LARP1B: variants seen among roughly 807,000 people sequenced by gnomAD.
LARP1B encodes the protein La ribonucleoprotein 1B, also known as la-related protein 1B.
Under a neutral mutation model 114.2 loss-of-function variants are expected in LARP1B, and 76 were observed. The observed-to-expected ratio is 0.67, with a 90% CI of 0.55 to 0.81. The LOEUF (loss-of-function observed/expected upper bound fraction) is 0.81, where lower values mean the gene tolerates loss of function less well. LARP1B is among the 30% of genes least tolerant of loss of function. LARP1B has a pLI of 0.00. For synonymous variants in LARP1B, 345 were observed against 348.0 expected, an observed-to-expected ratio of 0.99 and a Z score of 0.10; for missense variants, 1,014 against 1,075.8, an observed-to-expected ratio of 0.94 and a Z score of 0.80.
At chr4:128,122,438 G>GTTTTTTTTTTTTTTTTTTTT in intron 11 of LARP1B, 6 of 1,188,978 alleles carry the variant, frequency 5.0e-6, no homozygotes, top group East Asian at 3.2e-5. Context: ...TTATACCCTT[G>GTTTTTTTTTTTTTTTTTTTT]TTTTTTTTTT....
intron 17 of LARP1B, among the ~76,000 whole-genome samples, 162 bp from the exon 18 acceptor site, chr4:128,206,266 T>C (rs1757573825): frequency 6.6e-6 from 1 of 152,220 alleles, no homozygotes; most frequent in African/African-American, 2.4e-5. Context: ...CACTCCAGCC[T>C]GAGCAACAAG....
In LARP1B at chr4:128,096,039, G is replaced by A. The variant is rs55686878; in HGVS notation, c.669-2147G>A. Among the ~76,000 whole-genome samples, 1,441 of 147,730 alleles carry A rather than the reference G, an allele frequency of 9.8e-3. 20 individuals are homozygous for A. The highest frequency in any genetic ancestry group is 0.033 in the African/African-American group (1,315 of 39,984). On this transcript the variant is annotated intron_variant, in intron 7 of 19. Coordinates refer to ENST00000326639, the MANE Select transcript of LARP1B (RefSeq NM_018078.4). Reference sequence around the variant, plus strand: ...GACGGAGTCTCGCTCTGTTGCCCAGGCTGGAGTGCAGTGGCACGATCTCAG... The same window carrying A: ...GACGGAGTCTCGCTCTGTTGCCCAGACTGGAGTGCAGTGGCACGATCTCAG...
At chr4:128,175,374 C>T (rs1418274029) in intron 12 of LARP1B, among the ~76,000 whole-genome samples, 1 of 152,096 alleles carries the variant, frequency 6.6e-6, no homozygotes, top group Non-Finnish European at 1.5e-5. Flanking sequence ...CTGATGCTTT[C>T]ATTATCAAGT....
intron 11 of LARP1B, among the ~76,000 whole-genome samples, chr4:128,140,927 T>C (rs1223579456): frequency 6.6e-6 from 1 of 151,402 alleles, no homozygotes; most frequent in African/African-American, 2.4e-5. Flanking sequence ...GCGATTCTGC[T>C]GCCTCAGCCT....
At chr4:128,157,699 T>G (rs1456913011) in intron 11 of LARP1B, among the ~76,000 whole-genome samples, 1 of 152,126 alleles carries the variant, frequency 6.6e-6, no homozygotes, top group Non-Finnish European at 1.5e-5. Context: ...GGGAAAATAG[T>G]GTTCAAGAAT....
chr4:128,193,973 A>G, intron 15 of LARP1B, among the ~76,000 whole-genome samples: 1 of 152,186 alleles, frequency 6.6e-6, no homozygotes. Flanking sequence ...ATTTATATTC[A>G]GGTTTCCTGA....
chr4:128,206,546 A>G lies in LARP1B; in HGVS notation c.2419+9A>G. ...AAAAGACTACGAATCTGGTAACAAT[A>G]ACATCAGAAAACTTGTACTCTAATT... On this transcript the variant is annotated intron_variant, in intron 18 of 19. Coordinates refer to ENST00000326639, the MANE Select transcript of LARP1B (RefSeq NM_018078.4). 2.5e-6 allele frequency: 4 copies of G among 1,595,680 alleles called. No homozygotes were observed. Among genetic ancestry groups the G allele is most frequent in the Non-Finnish European group, 3.4e-6 (4 of 1,170,356 alleles).
intron 4 of LARP1B, among the ~76,000 whole-genome samples, chr4:128,079,829 T>G (rs1379862134): frequency 6.6e-6 from 1 of 151,474 alleles, no homozygotes; most frequent in East Asian, 1.9e-4. Context: ...CCTCCCAAAG[T>G]GCTGGGATTA....
rs1169924250 is a variant in LARP1B at position 128,211,290 on chromosome 4, T to C, written c.*1237T>C. The C allele has an allele frequency of 6.2e-6, 6 of 965,008 alleles. No homozygotes were observed. Among genetic ancestry groups the C allele is most frequent in the Non-Finnish European group, 7.4e-6 (6 of 811,456 alleles). 59.8% of individuals were successfully genotyped at this position (965,008 alleles called of 1,614,324 possible). On this transcript the variant is annotated 3_prime_UTR_variant, in exon 20 of 20. Transcript: ENST00000326639. ...GAGCACTACATAATTTACAGATATT[T>C]TGTTGTATTGGCAAAAGCAAGTGGT...
intron 7 of LARP1B, among the ~76,000 whole-genome samples, chr4:128,092,033 G>T (rs972098145): frequency 6.6e-6 from 1 of 152,130 alleles, no homozygotes; most frequent in African/African-American, 2.4e-5. Context: ...GTTTATATAA[G>T]TCTCCTGGCT....
chr4:128,147,715 A>G (rs911722329), intron 11 of LARP1B, among the ~76,000 whole-genome samples: 1 of 152,224 alleles, frequency 6.6e-6, no homozygotes, highest in Admixed American at 6.5e-5. Context: ...AATGGAAAAC[A>G]AATGAGTTTC....
At chr4:128,173,694 C>G (rs1744779293) in intron 12 of LARP1B, among the ~76,000 whole-genome samples, 1 of 152,168 alleles carries the variant, frequency 6.6e-6, no homozygotes, top group Non-Finnish European at 1.5e-5. Flanking sequence ...TATCAACTTT[C>G]TTATTCAGTA....
chr4:128,221,866 T>A (rs1760063645), intron 7 of LARP1B, among the ~76,000 whole-genome samples: 2 of 152,160 alleles, frequency 1.3e-5, no homozygotes, highest in African/African-American at 4.8e-5. Flanking sequence ...TAAGTTACAG[T>A]CCTTTATCTA....
intron 15 of LARP1B, among the ~76,000 whole-genome samples, chr4:128,184,000 C>T (rs1172903578): frequency 1.3e-5 from 2 of 152,118 alleles, no homozygotes; most frequent in South Asian, 2.1e-4. Flanking sequence ...CACGATAAAA[C>T]CTGAAAGGAT....
rs562394658 is a variant in LARP1B, at chr4:128,204,609, C to T, written c.2310-1819C>T. Among the ~76,000 whole-genome samples, 13 of 150,998 alleles carry T rather than the reference C, an allele frequency of 8.6e-5. No individual in the cohort carries two copies. The East Asian group carries it at 2.1e-3, about 25-fold the overall frequency. The stretch of plus-strand genomic sequence containing the variant: ...GGTGGAGGTTGCAGTGAGCCGAGAT[C>T]GCACCACTACACTCCATCCTGGGCA... On this transcript the variant is annotated intron_variant, in intron 17 of 19. Transcript: ENST00000326639.
intron 11 of LARP1B, chr4:128,123,402 C>A (rs1788612327): frequency 2.1e-6 from 2 of 956,306 alleles, no homozygotes; most frequent in Admixed American, 6.2e-5. Context: ...TATCTTAAAT[C>A]CTTTTAGAAC....
chr4:128,098,765 A>ATATATATATATATG (rs1779107536), intron 8 of LARP1B, among the ~76,000 whole-genome samples: 1 of 32,838 alleles, frequency 3.0e-5, no homozygotes, highest in African/African-American at 1.2e-4. Flanking sequence ...ATATATATAT[A>ATATATATATATATG]TATTTTTTTT....
At position 128,077,906 on chromosome 4, in the gene LARP1B, G is replaced by T; in HGVS notation, c.161G>T (p.Gly54Val). 6.2e-7 allele frequency: 1 copy of T among 1,613,490 alleles called. No homozygotes were observed. Among genetic ancestry groups the T allele is most frequent in the South Asian group, 1.1e-5 (1 of 90,828 alleles). The change falls in exon 4 of 20, where the codon GGT becomes GTT. Residue 54 changes from glycine (G) to valine (V), a missense_variant. Physicochemically the swap from Gly to Val is moderately radical, Grantham distance 109. Transcript: ENST00000326639. ...SKENRETKLN[G>V]PGENVSEDEA... ...GAAAACCGGGAAACAAAATTAAATG[G>T]TCCTGGTGAAAACGTCAGTGAGGAT...
At chr4:128,166,328 C>G (rs2150488898) in intron 12 of LARP1B, among the ~76,000 whole-genome samples, 1 of 151,994 alleles carries the variant, frequency 6.6e-6, no homozygotes, top group African/African-American at 2.4e-5. Flanking sequence ...CTAACCACTT[C>G]TCACTTTCTC....
Sources: allele counts gnomAD v4.1 joint callset (sites outside exome capture counted in the v4.1 genomes callset), GRCh38; gene constraint gnomAD v4.1.1; transcripts MANE v1.5; gene names NCBI Gene and HGNC (gene_info 2026-07-23, HGNC 2026-07-21).